The following CEMIP variants were observed in gnomAD, a reference collection of about 807,000 sequenced individuals.
CEMIP encodes cell migration inducing hyaluronidase 1.
CEMIP carries 105 observed loss-of-function variants against 156.9 expected under a neutral mutation model. That is an observed-to-expected ratio of 0.67 (90% CI 0.57 to 0.79). The LOEUF is 0.79. Ranked by LOEUF, CEMIP falls within the 30% of genes least tolerant of loss-of-function variation. The pLI is 0.00. For synonymous variants in CEMIP, 676 were observed against 668.4 expected (o/e 1.01, Z -0.17); for missense variants, 1,457 against 1,769.4 (o/e 0.82, Z 3.17).
At chr15:80,901,465 G>C (rs552674594) in intron 12 of CEMIP, among the ~76,000 whole-genome samples, 1 of 152,266 alleles carries the variant, frequency 6.6e-6, no homozygotes, top group East Asian at 1.9e-4. Flanking sequence ...ACTTTGGGAG[G>C]CTGAGGTGGG....
chr15:80,942,207 C>G, intron 26 of CEMIP, 44 bp from the exon 27 acceptor site: 1 of 1,551,346 alleles, frequency 6.4e-7, no homozygotes, highest in Non-Finnish European at 8.9e-7. Flanking sequence ...AGGGGAATGA[C>G]TACCCAAACC....
chr15:80,799,382 G>A (rs1896317527), intron 1 of CEMIP, among the ~76,000 whole-genome samples: 1 of 152,202 alleles, frequency 6.6e-6, no homozygotes, highest in Admixed American at 6.5e-5. Context: ...TCAATGAGTT[G>A]AGGCCTGAAA....
At chr15:80,933,200 C>G in intron 22 of CEMIP, 45 bp from the exon 23 acceptor site, 3 of 1,537,498 alleles carry the variant, frequency 2.0e-6, no homozygotes, top group Non-Finnish European at 2.7e-6. Flanking sequence ...GCTGCAGTTT[C>G]CCTTCACCTT....
At chr15:80,914,187 TA>T (rs1900175988) in intron 14 of CEMIP, among the ~76,000 whole-genome samples, 1 of 152,124 alleles carries the variant, frequency 6.6e-6, no homozygotes, top group Non-Finnish European at 1.5e-5. Flanking sequence ...AGGCAGGACA[TA>T]GGGGGATTCA....
At chr15:80,862,351 G>A (rs1027782662) in intron 1 of CEMIP, among the ~76,000 whole-genome samples, 6 of 152,204 alleles carry the variant, frequency 3.9e-5, no homozygotes, top group African/African-American at 7.2e-5. Context: ...AGGACAATGA[G>A]GCTTCCAAGA....
At chr15:80,898,552 A>T (rs1899327090) in intron 12 of CEMIP, among the ~76,000 whole-genome samples, 1 of 152,134 alleles carries the variant, frequency 6.6e-6, no homozygotes, top group Non-Finnish European at 1.5e-5. Flanking sequence ...AGTGAGAGGG[A>T]AACAAACTAT....
chr15:80,856,022 T>C (rs1897845310), intron 1 of CEMIP, among the ~76,000 whole-genome samples: 1 of 152,256 alleles, frequency 6.6e-6, no homozygotes, highest in South Asian at 2.1e-4. Context: ...AAGGTCTACA[T>C]ACTGGATCAT....
intron 1 of CEMIP, among the ~76,000 whole-genome samples, chr15:80,835,635 G>A (rs922073970): frequency 2.0e-5 from 3 of 151,782 alleles, no homozygotes; most frequent in Non-Finnish European, 4.4e-5. Context: ...TCTGGAAACA[G>A]ATATTATTTT....
Position 80,948,961 on chromosome 15 carries a change from A to G in CEMIP, c.*37A>G, listed in dbSNP as rs1596217872. 1 of 1,613,568 alleles carries G rather than the reference A, an allele frequency of 6.2e-7. No individual in the cohort carries two copies. The highest frequency in any genetic ancestry group is 2.2e-5 in the East Asian group (1 of 44,858). Reference sequence around the variant, plus strand: ...GCCCGGTGCCACCTCGTGGTAGACTATGACGGTGACTCTTGGCAGCAGACC... The same window carrying G: ...GCCCGGTGCCACCTCGTGGTAGACTGTGACGGTGACTCTTGGCAGCAGACC... On this transcript the variant is annotated 3_prime_UTR_variant, in exon 30 of 30. Coordinates refer to ENST00000394685, the MANE Select transcript of CEMIP (RefSeq NM_001293298.2).
At chr15:80,855,589 C>T (rs1314974912) in intron 1 of CEMIP, among the ~76,000 whole-genome samples, 1 of 151,896 alleles carries the variant, frequency 6.6e-6, no homozygotes, top group East Asian at 1.9e-4. Flanking sequence ...CTTACTGCAA[C>T]TTCTGCCTCC....
At chr15:80,788,246 A>G (rs1377510366) in intron 1 of CEMIP, among the ~76,000 whole-genome samples, 2 of 152,132 alleles carry the variant, frequency 1.3e-5, no homozygotes, top group Non-Finnish European at 2.9e-5. Flanking sequence ...TGAGGCAGCC[A>G]GATCACTTGA....
chr15:80,938,638 C>G (rs1043651452), intron 25 of CEMIP, among the ~76,000 whole-genome samples: 1 of 152,084 alleles, frequency 6.6e-6, no homozygotes, highest in Non-Finnish European at 1.5e-5. Flanking sequence ...GGAGAGACTT[C>G]CTGAGATCAT....
At chr15:80,848,054 C>A (rs1319988971) in intron 1 of CEMIP, among the ~76,000 whole-genome samples, 2 of 152,110 alleles carry the variant, frequency 1.3e-5, no homozygotes, top group Non-Finnish European at 2.9e-5. Context: ...CAAAATGTGG[C>A]AGGTTGAATG....
At chr15:80,780,523 G>A (rs1358223550) in intron 1 of CEMIP, among the ~76,000 whole-genome samples, 1 of 152,232 alleles carries the variant, frequency 6.6e-6, no homozygotes, top group Admixed American at 6.5e-5. Context: ...AGGGTCGGAC[G>A]CTACGGCAGT....
At chr15:80,813,289 C>T (rs1896711667) in intron 1 of CEMIP, among the ~76,000 whole-genome samples, 1 of 151,592 alleles carries the variant, frequency 6.6e-6, no homozygotes, top group Non-Finnish European at 1.5e-5. Flanking sequence ...AGTCAGTGTT[C>T]AGCAAGTGTT....
At position 80,937,996 on chromosome 15, in the gene CEMIP, T is replaced by C. The variant is rs1449089230; in HGVS notation, c.3407+17T>C. 1.2e-6 allele frequency: 2 copies of C among 1,608,876 alleles called. No individual in the cohort carries two copies. Among genetic ancestry groups the C allele is most frequent in the Admixed American group, 1.7e-5 (1 of 59,454 alleles). On this transcript the variant is annotated intron_variant, in intron 25 of 29. Coordinates refer to ENST00000394685, the MANE Select transcript of CEMIP (RefSeq NM_001293298.2). ...GGACTCAGGGTGAGCAGGCGCCCAC[T>C]TGGCTGCAGGAAAGTGGCTCAACCT...
intron 4 of CEMIP, 152 bp downstream of exon 4, chr15:80,879,019 C>T: frequency 1.9e-6 from 2 of 1,028,782 alleles, no homozygotes; most frequent in Middle Eastern, 4.0e-4. Context: ...TAACCATCAG[C>T]TCTGAGCTGT....
At chr15:80,876,995 A>G (rs758743163) in intron 3 of CEMIP, among the ~76,000 whole-genome samples, 9 of 152,344 alleles carry the variant, frequency 5.9e-5, no homozygotes, top group East Asian at 3.9e-4. Flanking sequence ...AGGCCTCACA[A>G]TCATGGTAGA....
At chr15:80,912,200 C>T (rs1053444364) in intron 14 of CEMIP, among the ~76,000 whole-genome samples, 6 of 152,096 alleles carry the variant, frequency 3.9e-5, no homozygotes, top group East Asian at 1.9e-4. Context: ...GTGAGAGATG[C>T]GTGGGGCAAG....
Sources: allele counts gnomAD v4.1 joint callset (sites outside exome capture counted in the v4.1 genomes callset), GRCh38; gene constraint gnomAD v4.1.1; transcripts MANE v1.5; gene names NCBI Gene and HGNC (gene_info 2026-07-23, HGNC 2026-07-21).